Variants in NACC2 observed in about 807,000 individuals in gnomAD.
NACC2 encodes nucleus accumbens-associated protein 2.
In NACC2, 8 loss-of-function variants were observed where a neutral mutation model predicts 25.1. The ratio of observed to expected loss-of-function variants is 0.32; its 90% confidence interval spans 0.19 to 0.57. The LOEUF is 0.57. Among genes scored for constraint, NACC2 ranks in the 20% least tolerant of loss-of-function variants. The pLI, the probability that NACC2 is intolerant of heterozygous loss-of-function variation, is 0.89. For missense variants in NACC2, 644 were observed against 650.2 expected (o/e 0.99, Z 0.10); for synonymous variants, 435 against 294.7 (o/e 1.48, Z -4.88).
rs573364993 is a variant in NACC2, at chr9:136,013,658, C to T, written c.1157+206G>A. Among the ~76,000 whole-genome samples, 59 of 152,286 alleles carry T rather than the reference C, an allele frequency of 3.9e-4. No homozygotes were observed. The highest frequency in any genetic ancestry group is 7.7e-4 in the African/African-American group (32 of 41,558). Reference sequence around the variant, plus strand: ...GTTGTGGGGGTTGCATCCACAAGCCCGTTTGAGAAAGGCCACGAAAGACAG... The same window carrying T: ...GTTGTGGGGGTTGCATCCACAAGCCTGTTTGAGAAAGGCCACGAAAGACAG... On this transcript the variant is annotated intron_variant, in intron 4 of 5. Transcript: ENST00000277554. This position sits in a 1 kb window ranked among gnomAD's most constrained non-coding sequence, Gnocchi z 6.6.
chr9:136,033,475 C>CTAAACCCCTAT (rs1296042924), intron 2 of NACC2, among the ~76,000 whole-genome samples: 2 of 151,656 alleles, frequency 1.3e-5, no homozygotes. Context: ...GAAACCCCTA[C>CTAAACCCCTAT]TAAACCTCTA....
chr9:136,015,964 G>C (rs760729364), intron 3 of NACC2, among the ~76,000 whole-genome samples: 5 of 152,184 alleles, frequency 3.3e-5, no homozygotes, highest in African/African-American at 4.8e-5. Flanking sequence ...CTCGCGGGGC[G>C]GGGGGACTGG....
intron 1 of NACC2, among the ~76,000 whole-genome samples, chr9:136,059,700 C>T (rs1588575501): frequency 6.6e-6 from 1 of 152,364 alleles, no homozygotes; most frequent in South Asian, 2.1e-4. Flanking sequence ...TGGTCCTCTC[C>T]ACCATGACAA....
rs969056348 is a variant in NACC2, at chr9:136,022,878, C to A, written c.887-6449G>T. ...TCATGCCACGCCATAACTGGGAAGG[C>A]AAACCATCACCAATTACCACGCCAT... On this transcript the variant is annotated intron_variant, in intron 2 of 5. Transcript: ENST00000277554. This position sits in a 1 kb window ranked among gnomAD's most constrained non-coding sequence, Gnocchi z 4.4. Among the ~76,000 whole-genome samples, 1 of 149,726 alleles carries A rather than the reference C, an allele frequency of 6.7e-6. No homozygotes were observed. The highest frequency in any genetic ancestry group is 1.5e-5 in the Non-Finnish European group (1 of 67,706).
chr9:136,094,331 C>T (rs1217790779), intron 1 of NACC2, among the ~76,000 whole-genome samples: 9 of 152,204 alleles, frequency 5.9e-5, no homozygotes, highest in African/African-American at 1.4e-4. Context: ...GTTTAAGCGG[C>T]TCCACGACGA....
At chr9:136,052,349 G>T (rs1588572805) in intron 1 of NACC2, among the ~76,000 whole-genome samples, 1 of 152,072 alleles carries the variant, frequency 6.6e-6, no homozygotes, top group African/African-American at 2.4e-5. Flanking sequence ...GACAGCCCCA[G>T]TGTCAAAGCA....
chr9:136,071,290 A>G (rs1453926132), intron 1 of NACC2, among the ~76,000 whole-genome samples: 1 of 151,700 alleles, frequency 6.6e-6, no homozygotes, highest in South Asian at 2.1e-4. Flanking sequence ...CACGCCTATA[A>G]TCCCAGCACT....
intron 1 of NACC2, among the ~76,000 whole-genome samples, chr9:136,051,876 A>AAGG (rs1162435573): frequency 0.15 from 19,636 of 132,190 alleles, 1,438 homozygotes; most frequent in African/African-American, 0.17. Flanking sequence ...GGGAGCCGGC[A>AAGG]AGGAGGAGGA....
At chr9:136,033,511 G>T (rs1019005743) in intron 2 of NACC2, among the ~76,000 whole-genome samples, 2 of 150,452 alleles carry the variant, frequency 1.3e-5, no homozygotes, top group African/African-American at 4.9e-5. Flanking sequence ...TTAGCCAGGC[G>T]TGGTGGCGGG....
chr9:136,041,429 A>G lies in NACC2; in HGVS notation c.886+8207T>C, dbSNP rs961688559. Among the ~76,000 whole-genome samples, 926 of 152,254 alleles carry G rather than the reference A, an allele frequency of 6.1e-3. 15 individuals are homozygous for G. Among genetic ancestry groups the G allele is most frequent in the African/African-American group, 0.021 (889 of 41,546 alleles). ...TGAGACATGATCTGAGAAAAAAAAA[A>G]AAAGAAATAAAGAAAAAAATGAAGC... On this transcript the variant is annotated intron_variant, in intron 2 of 5. Coordinates refer to ENST00000277554, the MANE Select transcript of NACC2 (RefSeq NM_144653.5).
At position 136,054,098 on chromosome 9, in the gene NACC2, C is replaced by T. The variant is rs1022235951; in HGVS notation, c.-59-3518G>A. 6.4e-4 allele frequency among the ~76,000 whole-genome samples: 97 copies of T among 152,222 alleles called. 1 individual carries two copies. Among genetic ancestry groups the T allele is most frequent in the Non-Finnish European group, 1.2e-3 (81 of 68,042 alleles). On this transcript the variant is annotated intron_variant, in intron 1 of 5. Transcript: ENST00000277554. ...GTGAATGGAACAATGTTTGTGAAGC[C>T]GGCGGCTGAAGCCTCACACACAGAA... is the stretch of plus-strand genomic sequence containing the variant.
At chr9:136,061,910 AGGAGTTC>A (rs1841016088) in intron 1 of NACC2, among the ~76,000 whole-genome samples, 1 of 152,166 alleles carries the variant, frequency 6.6e-6, no homozygotes, top group South Asian at 2.1e-4. Flanking sequence ...ACCTGAGGTC[AGGAGTTC>A]GAGACTAGCC....
At chr9:136,053,089 C>T (rs1172053637) in intron 1 of NACC2, among the ~76,000 whole-genome samples, 4 of 152,264 alleles carry the variant, frequency 2.6e-5, no homozygotes, top group Admixed American at 6.5e-5. Context: ...GGCCAGCTGC[C>T]TCCACCACCC....
At chr9:136,073,984 G>A (rs1287574701) in intron 1 of NACC2, among the ~76,000 whole-genome samples, 1 of 152,144 alleles carries the variant, frequency 6.6e-6, no homozygotes, top group African/African-American at 2.4e-5. Context: ...CACAGACTCC[G>A]TCATGTCCTT....
intron 1 of NACC2, among the ~76,000 whole-genome samples, chr9:136,054,888 G>A (rs959831340): frequency 2.0e-5 from 3 of 152,112 alleles, no homozygotes; most frequent in African/African-American, 7.2e-5. Flanking sequence ...ACGCCCTTCA[G>A]AACAGAACCC....
chr9:136,084,192 C>T lies in NACC2; in HGVS notation c.-60+10997G>A, dbSNP rs752426411. Among the ~76,000 whole-genome samples, 3 of 152,130 alleles carry T rather than the reference C, an allele frequency of 2.0e-5. No individual in the cohort carries two copies. The highest frequency in any genetic ancestry group is 4.4e-5 in the Non-Finnish European group (3 of 68,012). On this transcript the variant is annotated intron_variant, in intron 1 of 5. Coordinates refer to ENST00000277554, the MANE Select transcript of NACC2 (RefSeq NM_144653.5). This position sits in a 1 kb window ranked among gnomAD's most constrained non-coding sequence, Gnocchi z 5.1. ...CAGTGGGTTCCGATGAGACCCTCAA[C>T]ACCCACTCACCAACCTGCAGCCTCC...
In NACC2 at chr9:136,050,302, G is replaced by A. The variant is rs1415728044; in HGVS notation, c.220C>T (p.Pro74Ser). The A allele has an allele frequency of 8.1e-6, 6 of 745,098 alleles. No homozygotes were observed. The Admixed American group carries it at 1.1e-4, about 14-fold the overall frequency. The allele number at this position is 745,098 out of a possible 1,614,324, so 46.2% of individuals were successfully genotyped here. ...KSAFELPGSV[P>S]PACFQQILSF... ...AGGATCTGCTGGAAGCAGGCGGGCGGCACGGAGCCGGGCAGCTCGAAGGCG... is the reference window on the plus strand; with the variant it reads ...AGGATCTGCTGGAAGCAGGCGGGCGACACGGAGCCGGGCAGCTCGAAGGCG... Residue 74 changes from proline (P) to serine (S), a missense_variant, in exon 2 of 6, where the codon CCG (proline) becomes TCG (serine). Pro to Ser is a moderately conservative substitution (Grantham distance 74). Coordinates refer to ENST00000277554, the MANE Select transcript of NACC2 (RefSeq NM_144653.5).
In NACC2 at chr9:136,020,493, G is replaced by A. The variant is rs137948502; in HGVS notation, c.887-4064C>T. ...CAGGGGAGTCTGTGCGGATGTGGGC[G>A]GCAGTGGCGAGTGGTAGGGCCGCCT... is the stretch of plus-strand genomic sequence containing the variant. On this transcript the variant is annotated intron_variant, in intron 2 of 5. Transcript: ENST00000277554. The surrounding 1 kb of genome is among the most constrained non-coding windows in gnomAD (Gnocchi z 4.7). 2.0e-4 allele frequency among the ~76,000 whole-genome samples: 30 copies of A among 152,346 alleles called. No homozygotes were observed. Among genetic ancestry groups the A allele is most frequent in the African/African-American group, 6.3e-4 (26 of 41,584 alleles).
chr9:136,032,477 A>G (rs573916590), intron 2 of NACC2, among the ~76,000 whole-genome samples: 1 of 152,366 alleles, frequency 6.6e-6, no homozygotes, highest in South Asian at 2.1e-4. Flanking sequence ...TCCTACTTAA[A>G]GAGGAACAGT....
Sources: gnomAD v4.1 joint callset for allele counts (sites outside exome capture counted in the v4.1 genomes callset) on GRCh38, gnomAD v4.1.1 for gene constraint, Gnocchi (gnomAD v3.1) non-coding constraint, MANE v1.5 for transcripts, NCBI Gene and HGNC (gene_info 2026-07-23, HGNC 2026-07-21) for gene names.